The following TRMT11 variants were observed in gnomAD, a reference collection of about 807,000 sequenced individuals.
The protein encoded by TRMT11 is tRNA methyltransferase 11, also known as tRNA (guanine(10)-N(2))-methyltransferase TRMT11.
In TRMT11, 53 loss-of-function variants were observed where a neutral mutation model predicts 62.8. That is an observed-to-expected ratio of 0.84 (90% CI 0.68 to 1.06). The LOEUF is 1.06. Among genes scored for constraint, TRMT11 ranks in the 50% least tolerant of loss-of-function variants. The probability of loss-of-function intolerance (pLI) is 0.00; values close to 1 mark genes in which losing one functional copy is unlikely to be tolerated. For synonymous variants in TRMT11, 188 were observed against 190.3 expected (o/e 0.99, Z 0.10); for missense variants, 556 against 553.4 (o/e 1.00, Z -0.05).
chr6:126,214,100 A>G, the TRMT11 span, among the ~76,000 whole-genome samples: 1 of 151,980 alleles, frequency 6.6e-6, no homozygotes, highest in Non-Finnish European at 1.5e-5. Context: ...CCACTTGATC[A>G]TGATGGAGTG....
intron 21 of TRMT11, among the ~76,000 whole-genome samples, chr6:126,138,765 G>T (rs1420835701): frequency 6.6e-6 from 1 of 152,014 alleles, no homozygotes; most frequent in Non-Finnish European, 1.5e-5. Flanking sequence ...AAAAAATTTA[G>T]TTATAATCTT....
the TRMT11 span, among the ~76,000 whole-genome samples, chr6:126,237,569 T>C: frequency 2.0e-5 from 3 of 151,968 alleles, no homozygotes; most frequent in African/African-American, 7.3e-5. Context: ...ACATCCTAGC[T>C]ACTTGGGAGG....
chr6:126,039,745 A>AG (rs1775814632), downstream of TRMT11, among the ~76,000 whole-genome samples: 1 of 152,094 alleles, frequency 6.6e-6, no homozygotes, highest in Non-Finnish European at 1.5e-5. Context: ...TTTGGTGGTC[A>AG]AATGTACCTC....
the TRMT11 span, among the ~76,000 whole-genome samples, chr6:126,225,983 GC>G: frequency 2.0e-5 from 3 of 151,702 alleles, no homozygotes; most frequent in African/African-American, 7.3e-5. Context: ...TGAGTACCGC[GC>G]CTGGCCTATG....
At position 126,011,246 on chromosome 6, in the gene TRMT11, C is replaced by T. The variant is rs1383379622; in HGVS notation, c.761-7C>T. The T allele has an allele frequency of 5.6e-6, 9 of 1,597,880 alleles. No individual in the cohort carries two copies. In the Admixed American group the frequency reaches 7.1e-5, roughly 13 times the overall value. ...TACTTTCTCTCTTCCTTTTTCTTTC[C>T]CTTCAGGAAAGGCTACTAGGAAAAA... On this transcript the variant is annotated splice_polypyrimidine_tract_variant and splice_region_variant and intron_variant, in intron 8 of 12. Transcript: ENST00000334379.
chr6:126,151,806 T>TCTTCTTTCTTTCTTTC (rs1778044981), intron 21 of TRMT11, among the ~76,000 whole-genome samples: 1 of 86,880 alleles, frequency 1.2e-5, no homozygotes, highest in Non-Finnish European at 2.2e-5. Flanking sequence ...CCTCTCTGTC[T>TCTTCTTTCTTTCTTTC]TTTCTTTCTT....
At chr6:126,211,815 T>C in the TRMT11 span, among the ~76,000 whole-genome samples, 7 of 152,222 alleles carry the variant, frequency 4.6e-5, no homozygotes, top group East Asian at 1.3e-3. Flanking sequence ...ATTAAAAATG[T>C]ACAAAAATTA....
the TRMT11 span, among the ~76,000 whole-genome samples, chr6:126,238,325 C>T: frequency 6.6e-6 from 1 of 152,052 alleles, no homozygotes; most frequent in Admixed American, 6.5e-5. Context: ...TTAGATCTTT[C>T]CTGCTTTCTC....
intron 1 of TRMT11, among the ~76,000 whole-genome samples, chr6:126,197,646 C>G (rs1446918818): frequency 6.6e-6 from 1 of 152,152 alleles, no homozygotes; most frequent in Non-Finnish European, 1.5e-5. Flanking sequence ...CTGCATTGTA[C>G]AAAGCAGACT....
chr6:126,117,505 T>C (rs2128193159), intron 21 of TRMT11, among the ~76,000 whole-genome samples: 1 of 152,240 alleles, frequency 6.6e-6, no homozygotes, highest in South Asian at 2.1e-4. Context: ...ATCATCCTTC[T>C]CTCACGTTGA....
the TRMT11 span, among the ~76,000 whole-genome samples, chr6:126,220,799 G>A: frequency 8.5e-5 from 13 of 152,062 alleles, no homozygotes; most frequent in Middle Eastern, 3.4e-3. Context: ...TACATGTGCA[G>A]GTTTGTTATA....
the TRMT11 span, among the ~76,000 whole-genome samples, chr6:126,261,670 T>C: frequency 6.6e-6 from 1 of 152,226 alleles, no homozygotes; most frequent in Non-Finnish European, 1.5e-5. Context: ...GTCAGTAACA[T>C]GGACTCCATG....
At chr6:126,267,188 C>T in the TRMT11 span, among the ~76,000 whole-genome samples, 2 of 152,118 alleles carry the variant, frequency 1.3e-5, no homozygotes, top group African/African-American at 4.8e-5. Flanking sequence ...GTCAAGGTCA[C>T]AGTTTCTTAA....
At chr6:126,108,460 T>C (rs1266237045) in intron 17 of TRMT11, among the ~76,000 whole-genome samples, 1 of 152,222 alleles carries the variant, frequency 6.6e-6, no homozygotes, top group Non-Finnish European at 1.5e-5. Flanking sequence ...AAAATATAAA[T>C]GTATGTGCCA....
intron 21 of TRMT11, among the ~76,000 whole-genome samples, chr6:126,147,963 G>T (rs1777993101): frequency 6.6e-6 from 1 of 152,034 alleles, no homozygotes; most frequent in East Asian, 1.9e-4. Context: ...GGGTTGACGG[G>T]TGCAGCAAAC....
At chr6:126,066,447 T>C (rs558661896) in intron 17 of TRMT11, among the ~76,000 whole-genome samples, 2 of 152,322 alleles carry the variant, frequency 1.3e-5, no homozygotes, top group African/African-American at 4.8e-5. Flanking sequence ...TATGTCCTCA[T>C]ATGGCCTTTC....
At chr6:126,106,525 G>A (rs1777466532) in intron 17 of TRMT11, among the ~76,000 whole-genome samples, 1 of 152,160 alleles carries the variant, frequency 6.6e-6, no homozygotes, top group Non-Finnish European at 1.5e-5. Context: ...TGCTGCTGCA[G>A]AAATAGGCTA....
At chr6:126,179,641 C>G (rs1778433255) in intron 1 of TRMT11, among the ~76,000 whole-genome samples, 1 of 152,032 alleles carries the variant, frequency 6.6e-6, no homozygotes, top group Non-Finnish European at 1.5e-5. Flanking sequence ...ATAATATTAA[C>G]TAAAGTGCAA....
chr6:126,196,686 A>G (rs903739080), intron 1 of TRMT11, among the ~76,000 whole-genome samples: 2 of 152,092 alleles, frequency 1.3e-5, no homozygotes, highest in Admixed American at 6.5e-5. Context: ...GTAAAAGTAC[A>G]TACTTCATTA....
Sources: allele counts gnomAD v4.1 joint callset (sites outside exome capture counted in the v4.1 genomes callset), GRCh38; gene constraint gnomAD v4.1.1; transcripts MANE v1.5; gene names NCBI Gene and HGNC (gene_info 2026-07-23, HGNC 2026-07-21).